ITGA9: variants seen among roughly 807,000 people sequenced by gnomAD.
ITGA9 encodes the protein integrin alpha-9.
Under a neutral mutation model 127.8 loss-of-function variants are expected in ITGA9, and 56 were observed. That is an observed-to-expected ratio of 0.44 (90% CI 0.35 to 0.55). ITGA9 has a LOEUF of 0.55. Among genes scored for constraint, ITGA9 ranks in the 20% least tolerant of loss-of-function variants. ITGA9 has a pLI of 0.00. For synonymous variants in ITGA9, 508 were observed against 514.5 expected (o/e 0.99, Z 0.17); for missense variants, 1,196 against 1,347.1 (o/e 0.89, Z 1.76).
intron 18 of ITGA9, 118 bp from the exon 19 acceptor site, chr3:37,732,594 T>A: frequency 1.3e-6 from 1 of 775,764 alleles, no homozygotes; most frequent in Non-Finnish European, 2.3e-6. Context: ...GGGCATCTCG[T>A]CCCACTGGTG....
chr3:37,674,154 T>C (rs1176684325), intron 17 of ITGA9, among the ~76,000 whole-genome samples: 1 of 152,216 alleles, frequency 6.6e-6, no homozygotes, highest in Non-Finnish European at 1.5e-5. Context: ...GCGTAGATTA[T>C]TAAAGAACAG....
At chr3:37,537,355 G>T (rs1699218972) in intron 14 of ITGA9, among the ~76,000 whole-genome samples, 2 of 152,180 alleles carry the variant, frequency 1.3e-5, no homozygotes, top group Non-Finnish European at 2.9e-5. Context: ...AGCCTTGCAG[G>T]CTCCCTCCGA....
At chr3:37,634,539 C>A (rs1186643420) in intron 16 of ITGA9, among the ~76,000 whole-genome samples, 2 of 152,078 alleles carry the variant, frequency 1.3e-5, no homozygotes, top group African/African-American at 4.8e-5. Context: ...ATCAGTTCAG[C>A]AAGAGGACAT....
At chr3:37,765,177 G>A (rs1696766329) in intron 23 of ITGA9, among the ~76,000 whole-genome samples, 4 of 152,082 alleles carry the variant, frequency 2.6e-5, no homozygotes, top group Admixed American at 6.5e-5. Flanking sequence ...GTATCTCCTG[G>A]GGATTGGCTC....
intron 18 of ITGA9, among the ~76,000 whole-genome samples, chr3:37,725,916 T>C (rs1364877933): frequency 6.6e-6 from 1 of 152,212 alleles, no homozygotes; most frequent in Non-Finnish European, 1.5e-5. Context: ...TGCCAAAGGT[T>C]TTACAATTTC....
At chr3:37,637,650 C>T (rs1700293241) in intron 16 of ITGA9, among the ~76,000 whole-genome samples, 1 of 145,950 alleles carries the variant, frequency 6.9e-6, no homozygotes, top group Admixed American at 6.9e-5. Context: ...GGGTGGGCCC[C>T]AGCAAACTAT....
At chr3:37,559,731 A>T (rs1699467029) in intron 15 of ITGA9, among the ~76,000 whole-genome samples, 1 of 152,140 alleles carries the variant, frequency 6.6e-6, no homozygotes, top group Non-Finnish European at 1.5e-5. Context: ...TTTAAGGAAA[A>T]CCACACGGAG....
intron 15 of ITGA9, among the ~76,000 whole-genome samples, chr3:37,562,354 G>A (rs1290170175): frequency 6.6e-6 from 1 of 152,082 alleles, no homozygotes; most frequent in African/African-American, 2.4e-5. Flanking sequence ...GAGTTCCTTT[G>A]GGTTACTAGT....
chr3:37,511,571 G>T (rs1206460262), intron 8 of ITGA9, among the ~76,000 whole-genome samples: 5 of 152,206 alleles, frequency 3.3e-5, no homozygotes, highest in Non-Finnish European at 5.9e-5. Context: ...TTGGGTCTTT[G>T]CCTGTGTCTT....
chr3:37,477,296 G>A (rs1373847968), intron 3 of ITGA9, among the ~76,000 whole-genome samples: 1 of 152,230 alleles, frequency 6.6e-6, no homozygotes, highest in African/African-American at 2.4e-5. Context: ...TGAAGAGGGA[G>A]AGGTGGGCTA....
At chr3:37,663,294 C>A (rs1700555415) in intron 17 of ITGA9, among the ~76,000 whole-genome samples, 1 of 152,076 alleles carries the variant, frequency 6.6e-6, no homozygotes, top group South Asian at 2.1e-4. Context: ...TAAAAAAATT[C>A]TTTTTTTGAT....
At chr3:37,803,745 G>T in intron 26 of ITGA9, 78 bp from the exon 27 acceptor site, 1 of 1,564,550 alleles carries the variant, frequency 6.4e-7, no homozygotes, top group Middle Eastern at 1.8e-4. Context: ...TTGCACTCCA[G>T]CCTGGGTGAC....
intron 15 of ITGA9, among the ~76,000 whole-genome samples, chr3:37,619,084 C>G (rs1196074813): frequency 6.6e-6 from 1 of 152,186 alleles, no homozygotes. Context: ...GGAGCTGTTC[C>G]TATTTGGCCG....
intron 23 of ITGA9, among the ~76,000 whole-genome samples, chr3:37,773,974 AGATT>A (rs1696874570): frequency 6.6e-6 from 1 of 152,104 alleles, no homozygotes; most frequent in Admixed American, 6.6e-5. Flanking sequence ...GCATCTTCTG[AGATT>A]GATGGGTTTC....
rs1696442625 is a variant in ITGA9, at chr3:37,741,933, C to G, written c.2324+114C>G. The G allele has an allele frequency of 3.8e-6, 3 of 784,492 alleles. No individual in the cohort carries two copies. In the Admixed American group the frequency reaches 6.0e-5, roughly 16 times the overall value. 48.6% of individuals were successfully genotyped at this position (784,492 alleles called of 1,614,324 possible). A position where few individuals can be genotyped will look rare whatever the true frequency, so the allele number is the denominator to read the frequency against. On this transcript the variant is annotated intron_variant, in intron 21 of 27. Transcript: ENST00000264741. ...GGAGCCAAGGGCTGTGCCACCTCCA[C>G]TTCCTCCCAGCCTTGAAAAGCAGGA...
intron 18 of ITGA9, among the ~76,000 whole-genome samples, chr3:37,730,995 A>G (rs1696283968): frequency 6.6e-6 from 1 of 152,248 alleles, no homozygotes; most frequent in African/African-American, 2.4e-5. Context: ...GTGGGGACAG[A>G]CATATTTTAA....
chr3:37,503,572 T>C (rs116639424), intron 6 of ITGA9, among the ~76,000 whole-genome samples: 2 of 152,312 alleles, frequency 1.3e-5, no homozygotes, highest in African/African-American at 4.8e-5. Flanking sequence ...ATAAACATTT[T>C]ATTTTCTCAT....
chr3:37,757,183 T>C (rs903790667), intron 23 of ITGA9, among the ~76,000 whole-genome samples: 1 of 151,460 alleles, frequency 6.6e-6, no homozygotes, highest in Admixed American at 6.6e-5. Flanking sequence ...TATCCTGAAA[T>C]AGAAAAAATA....
intron 4 of ITGA9, among the ~76,000 whole-genome samples, chr3:37,491,359 G>T (rs1698671562): frequency 6.6e-6 from 1 of 152,212 alleles, no homozygotes; most frequent in Non-Finnish European, 1.5e-5. Context: ...CTGCTTCTTT[G>T]AGGTGGATAA....
Sources: allele counts gnomAD v4.1 joint callset (sites outside exome capture counted in the v4.1 genomes callset), GRCh38; gene constraint gnomAD v4.1.1; transcripts MANE v1.5; gene names NCBI Gene and HGNC (gene_info 2026-07-23, HGNC 2026-07-21).